Variants in PRPF8 observed in about 807,000 individuals in gnomAD.
PRPF8 encodes pre-mRNA processing factor 8, also known as pre-mRNA-processing-splicing factor 8.
PRPF8 carries 64 observed loss-of-function variants against 285.9 expected under a neutral mutation model. The observed-to-expected ratio is 0.22, with a 90% confidence interval of 0.18 to 0.28. PRPF8 has a LOEUF of 0.28. PRPF8 is among the 10% of genes least tolerant of loss of function. PRPF8 has a pLI of 1.00. For synonymous variants in PRPF8, 1,325 were observed against 1,118.2 expected, an observed-to-expected ratio of 1.18 and a Z score of -3.69; for missense variants, 1,426 against 3,026.7, an observed-to-expected ratio of 0.47 and a Z score of 12.41.
chr17:1,667,778 G>A (rs976857983), intron 24 of PRPF8, among the ~76,000 whole-genome samples: 14 of 152,048 alleles, frequency 9.2e-5, no homozygotes, highest in Admixed American at 8.5e-4. Context: ...TCCTGACCTC[G>A]TGATCCACCT....
chr17:1,684,342 A>G (rs928889786), intron 2 of PRPF8, 130 bp downstream of exon 2: 1 of 953,702 alleles, frequency 1.0e-6, no homozygotes, highest in Admixed American at 2.1e-5. Context: ...ACTTGATGAA[A>G]AATTAACTGG....
chr17:1,672,291 T>A (rs1479451683), intron 24 of PRPF8, among the ~76,000 whole-genome samples: 1 of 152,174 alleles, frequency 6.6e-6, no homozygotes, highest in Non-Finnish European at 1.5e-5. Context: ...TGTTTGTTTG[T>A]ATTTTGAGAT....
At position 1,679,442 on chromosome 17, in the gene PRPF8, T is replaced by C. The variant is rs1445844257; in HGVS notation, c.1290-32A>G. ...AAATAAGCCCACCAGAGTTTGGCCA[T>C]CTCTTCTTCCAGACACTCTGCTAAA... On this transcript the variant is annotated intron_variant, in intron 9 of 42. Coordinates refer to ENST00000304992, the MANE Select transcript of PRPF8 (RefSeq NM_006445.4). The surrounding 1 kb of genome is among the most constrained non-coding windows in gnomAD (Gnocchi z 4.7). 1 of 1,611,522 alleles carries C rather than the reference T, an allele frequency of 6.2e-7. No individual in the cohort carries two copies. Among genetic ancestry groups the C allele is most frequent in the African/African-American group, 1.3e-5 (1 of 74,594 alleles).
chr17:1,675,083 C>CA lies in PRPF8; in HGVS notation c.3060+68dup. On this transcript the variant is annotated intron_variant, in intron 20 of 42. Coordinates refer to ENST00000304992, the MANE Select transcript of PRPF8 (RefSeq NM_006445.4). This position sits in a 1 kb window ranked among gnomAD's most constrained non-coding sequence, Gnocchi z 6.0. ...CCACCGCACCCAGCCTCCTCCTCAGCAAATTCTGAGTCAGTGGGCCAGACA... is the reference window on the plus strand; with the variant it reads ...CCACCGCACCCAGCCTCCTCCTCAGCAAAATTCTGAGTCAGTGGGCCAGACA... 6.3e-7 allele frequency: 1 copy of CA among 1,593,350 alleles called. No homozygotes were observed.
chr17:1,678,700 G>C, intron 12 of PRPF8, 48 bp from the exon 13 acceptor site: 1 of 1,614,090 alleles, frequency 6.2e-7, no homozygotes, highest in Non-Finnish European at 8.5e-7. Flanking sequence ...CCAGCTCCAC[G>C]GTCAGCACAG....
Position 1,658,821 on chromosome 17 carries a change from G to C in PRPF8, c.5139-58C>G. The C allele has an allele frequency of 6.9e-7, 1 of 1,455,652 alleles. No individual in the cohort carries two copies. The highest frequency in any genetic ancestry group is 9.7e-7 in the Non-Finnish European group (1 of 1,036,118). 90.2% of individuals were successfully genotyped at this position (1,455,652 alleles called of 1,614,324 possible). On this transcript the variant is annotated intron_variant, in intron 32 of 42. Coordinates refer to ENST00000304992, the MANE Select transcript of PRPF8 (RefSeq NM_006445.4). This position sits in a 1 kb window ranked among gnomAD's most constrained non-coding sequence, Gnocchi z 4.1. ...ACGAGAATGACAGCCCCAGAAACAAGACAAGCTGCCAACTCTACAGAGGAA... is the reference window on the plus strand; with the variant it reads ...ACGAGAATGACAGCCCCAGAAACAACACAAGCTGCCAACTCTACAGAGGAA...
Position 1,651,897 on chromosome 17 carries a change from T to G in PRPF8, c.6370-109A>C. On this transcript the variant is annotated intron_variant, in intron 39 of 42. Transcript: ENST00000304992. The surrounding 1 kb of genome is among the most constrained non-coding windows in gnomAD (Gnocchi z 5.1). ...CCCCAAGAACGAGGACAGAGTTTCT[T>G]AAAACGTGATCAGAACCCCCTGTAT... 1 of 1,392,200 alleles carries G rather than the reference T, an allele frequency of 7.2e-7. No individual in the cohort carries two copies. The highest frequency in any genetic ancestry group is 1.7e-5 in the Admixed American group (1 of 59,380). 86.2% of individuals were successfully genotyped at this position (1,392,200 alleles called of 1,614,324 possible). A position where few individuals can be genotyped will look rare whatever the true frequency, so the allele number is the denominator to read the frequency against.
At chr17:1,674,341 C>G in intron 21 of PRPF8, 101 bp downstream of exon 21, 2 of 1,241,208 alleles carry the variant, frequency 1.6e-6, no homozygotes, top group Non-Finnish European at 2.4e-6. Flanking sequence ...CATTTTAAAG[C>G]CCCAACAGCA....
In PRPF8 at chr17:1,684,834, C is replaced by T. The variant is rs1913161454; in HGVS notation, c.-66G>A. 1.7e-6 allele frequency: 1 copy of T among 596,724 alleles called. No individual in the cohort carries two copies. Among genetic ancestry groups the T allele is most frequent in the Non-Finnish European group, 3.0e-6 (1 of 334,308 alleles). 37.0% of individuals were successfully genotyped at this position (596,724 alleles called of 1,614,324 possible). A position where few individuals can be genotyped will look rare whatever the true frequency, so the allele number is the denominator to read the frequency against. ...TCCCCGCAGCGCAATGGCGGCCAGA[C>T]TGCGTCCGCTCCGCGTTCCCAGCGC... On this transcript the variant is annotated 5_prime_UTR_variant, in exon 1 of 43. Coordinates refer to ENST00000304992, the MANE Select transcript of PRPF8 (RefSeq NM_006445.4).
chr17:1,671,346 C>A (rs756817233), intron 24 of PRPF8, among the ~76,000 whole-genome samples: 1 of 152,168 alleles, frequency 6.6e-6, no homozygotes, highest in African/African-American at 2.4e-5. Context: ...ATTCTGAGCA[C>A]CAACATGACG....
At position 1,661,025 on chromosome 17, in the gene PRPF8, G is replaced by A; in HGVS notation, c.4476C>T (p.Gly1492=). 1 of 1,614,152 alleles carries A rather than the reference G, an allele frequency of 6.2e-7. No individual in the cohort carries two copies. The highest frequency in any genetic ancestry group is 8.5e-7 in the Non-Finnish European group (1 of 1,180,044). The change falls in exon 28 of 43, where the codon GGC becomes GGT. Residue 1492 remains glycine (G), a synonymous_variant. Coordinates refer to ENST00000304992, the MANE Select transcript of PRPF8 (RefSeq NM_006445.4). The surrounding 1 kb of genome is among the most constrained non-coding windows in gnomAD (Gnocchi z 7.3). ...GCCCCTCCCAGGTAGGGAAGTAAGT[G>A]CCCTTAAAGAGTGTGTGTTCCAGAA... The part of the protein sequence containing the change: ...EGILEHTLFK[G]TYFPTWEGLF...
chr17:1,677,709 AG>A lies in PRPF8; in HGVS notation c.1855-16del. Reference sequence around the variant, plus strand: ...CCTACAGGGCCCTACGATCCCAAGCAGAAGTTAAGAATACAAGTTAGCAATG... The same window carrying A: ...CCTACAGGGCCCTACGATCCCAAGCAAAGTTAAGAATACAAGTTAGCAATG... On this transcript the variant is annotated splice_polypyrimidine_tract_variant and intron_variant, in intron 13 of 42. Coordinates refer to ENST00000304992, the MANE Select transcript of PRPF8 (RefSeq NM_006445.4). 2.5e-6 allele frequency: 4 copies of A among 1,613,878 alleles called. No individual in the cohort carries two copies. The highest frequency in any genetic ancestry group is 3.4e-6 in the Non-Finnish European group (4 of 1,180,024).
intron 36 of PRPF8, 53 bp from the exon 37 acceptor site, chr17:1,655,596 C>T: frequency 4.8e-6 from 7 of 1,457,096 alleles, no homozygotes; most frequent in Non-Finnish European, 6.7e-6. Flanking sequence ...GGCTCTCCCA[C>T]TTTAATCCTA....
chr17:1,681,669 G>A lies in PRPF8; in HGVS notation c.675C>T (p.Tyr225=), dbSNP rs754373893. ...TAGGTAGTGTGAACTGCCAGCGCTG[G>A]TAAGTGGAGCCATTTACATACCTAG... ...DSRKYVNGST[Y]QRWQFTLPMM... The change falls in exon 6 of 43, where the codon TAC becomes TAT. Residue 225 remains tyrosine, a synonymous_variant. Transcript: ENST00000304992. 1.9e-6 allele frequency: 3 copies of A among 1,614,140 alleles called. No homozygotes were observed. Among genetic ancestry groups the A allele is most frequent in the Non-Finnish European group, 2.5e-6 (3 of 1,180,030 alleles).
chr17:1,666,059 T>C (rs9909858), intron 24 of PRPF8, among the ~76,000 whole-genome samples: 29,631 of 146,230 alleles, frequency 0.2, 6,325 homozygotes, highest in African/African-American at 0.55. Flanking sequence ...CCCAGCTACT[T>C]GGGAGCTGAA....
At position 1,658,856 on chromosome 17, in the gene PRPF8, T is replaced by A; in HGVS notation, c.5139-93A>T. The A allele has an allele frequency of 9.0e-7, 1 of 1,108,986 alleles. No individual in the cohort carries two copies. The highest frequency in any genetic ancestry group is 1.4e-6 in the Non-Finnish European group (1 of 727,452). 68.7% of individuals were successfully genotyped at this position (1,108,986 alleles called of 1,614,324 possible). On this transcript the variant is annotated intron_variant, in intron 32 of 42. Coordinates refer to ENST00000304992, the MANE Select transcript of PRPF8 (RefSeq NM_006445.4). The surrounding 1 kb of genome is among the most constrained non-coding windows in gnomAD (Gnocchi z 4.1). ...CAACTCTACAGAGGAAGAAAGACTGTTCGCCAGGCTGACAACACTCTGCTC... is the reference window on the plus strand; with the variant it reads ...CAACTCTACAGAGGAAGAAAGACTGATCGCCAGGCTGACAACACTCTGCTC...
chr17:1,659,564 G>T lies in PRPF8; in HGVS notation c.4947-16C>A. The T allele has an allele frequency of 6.2e-7, 1 of 1,611,416 alleles. No homozygotes were observed. The highest frequency in any genetic ancestry group is 8.5e-7 in the Non-Finnish European group (1 of 1,179,912). On this transcript the variant is annotated splice_polypyrimidine_tract_variant and intron_variant, in intron 31 of 42. Transcript: ENST00000304992. The surrounding 1 kb of genome is among the most constrained non-coding windows in gnomAD (Gnocchi z 5.1). Reference sequence around the variant, plus strand: ...CATCACATCCCTGAGGATGAAGAGGGTTCAAGCTTCTAAGAAACCATGGGC... The same window carrying T: ...CATCACATCCCTGAGGATGAAGAGGTTTCAAGCTTCTAAGAAACCATGGGC...
Position 1,655,391 on chromosome 17 carries a change from C to G in PRPF8, c.5946G>C (p.Gln1982His), listed in dbSNP as rs770692427. 3 of 1,613,934 alleles carry G rather than the reference C, an allele frequency of 1.9e-6. No individual in the cohort carries two copies. The highest frequency in any genetic ancestry group is 1.3e-5 in the African/African-American group (1 of 75,054). The change falls in exon 37 of 43, where the codon CAG (glutamine) becomes CAC (histidine). Residue 1982 changes from glutamine to histidine, a missense_variant. This residue lies in a region of PRPF8 where 35 missense variants were observed against 47.7 expected (regional missense o/e 0.73). Coordinates refer to ENST00000304992, the MANE Select transcript of PRPF8 (RefSeq NM_006445.4). The stretch of plus-strand genomic sequence containing the variant: ...AGTCAGCCAAGATCAGATCCTTGAG[C>G]TGCACCTCGACCTTGATCCATTCTT... ...TDEEWIKVEVQLKDLILADYG... is the reference protein window; with the variant it reads ...TDEEWIKVEVHLKDLILADYG...
At chr17:1,660,079 G>C in intron 30 of PRPF8, 78 bp from the exon 31 acceptor site, 1 of 1,482,414 alleles carries the variant, frequency 6.7e-7, no homozygotes, top group Non-Finnish European at 9.4e-7. Context: ...AAGATAATGA[G>C]GCAATAGGAG....
Sources: allele counts gnomAD v4.1 joint callset (sites outside exome capture counted in the v4.1 genomes callset), GRCh38; gene constraint gnomAD v4.1.1; regional missense constraint gnomAD v4.1.1; non-coding constraint Gnocchi (gnomAD v3.1); transcripts MANE v1.5; gene names NCBI Gene and HGNC (gene_info 2026-07-23, HGNC 2026-07-21).